Variants in SLC18A1 observed in about 807,000 individuals in gnomAD.
SLC18A1 encodes solute carrier family 18 member A1, also known as chromaffin granule amine transporter.
SLC18A1 carries 69 observed loss-of-function variants against 53.7 expected under a neutral mutation model. That is an observed-to-expected ratio of 1.28 (90% CI 1.06 to 1.57). SLC18A1 has a LOEUF of 1.57. Ranked by LOEUF, SLC18A1 falls within the 40% of genes most tolerant of loss-of-function variation. The pLI is 0.00. For missense variants in SLC18A1, 932 were observed against 668.1 expected (o/e 1.40, Z -4.35); for synonymous variants, 320 against 248.1 (o/e 1.29, Z -2.72).
intron 9 of SLC18A1, 28 bp downstream of exon 9, chr8:20,165,019 G>A (rs770306043): frequency 1.4e-5 from 23 of 1,613,634 alleles, no homozygotes; most frequent in African/African-American, 2.7e-5. Context: ...GACACTCCCC[G>A]CCCAATGGGA....
At position 20,147,206 on chromosome 8, in the gene SLC18A1, T is replaced by C. The variant is rs1431655629; in HGVS notation, c.1464+52A>G. On this transcript the variant is annotated intron_variant, in intron 15 of 15. Coordinates refer to ENST00000276373, the MANE Select transcript of SLC18A1 (RefSeq NM_003053.4). ...CCAGGATGAAAGGGAATGAGAGAGATGATGGAAAGAAACAGAAGTGAATTT... is the reference window on the plus strand; with the variant it reads ...CCAGGATGAAAGGGAATGAGAGAGACGATGGAAAGAAACAGAAGTGAATTT... 3.9e-6 allele frequency: 6 copies of C among 1,552,066 alleles called. No individual in the cohort carries two copies. The African/African-American group carries it at 8.2e-5, about 21-fold the overall frequency.
At chr8:20,160,841 A>G (rs761356292) in intron 10 of SLC18A1, among the ~76,000 whole-genome samples, 2 of 152,160 alleles carry the variant, frequency 1.3e-5, no homozygotes, top group Non-Finnish European at 2.9e-5. Flanking sequence ...TTGTTGGGTC[A>G]TAATACAGCC....
chr8:20,173,231 T>A, intron 5 of SLC18A1, 103 bp from the exon 6 acceptor site: 1 of 829,064 alleles, frequency 1.2e-6, no homozygotes, highest in Non-Finnish European at 1.9e-6. Context: ...CAATCTTAGC[T>A]AGAGTTTCAG....
chr8:20,177,267 C>G (rs916748696), intron 4 of SLC18A1, among the ~76,000 whole-genome samples: 2 of 152,208 alleles, frequency 1.3e-5, no homozygotes, highest in South Asian at 2.1e-4. Context: ...CAGTTTGCAG[C>G]CTTCCAGCCC....
At chr8:20,178,650 G>C (rs958754159) in intron 3 of SLC18A1, among the ~76,000 whole-genome samples, 157 bp from the exon 4 acceptor site, 2 of 152,208 alleles carry the variant, frequency 1.3e-5, no homozygotes, top group Non-Finnish European at 2.9e-5. Flanking sequence ...AGGGCATGTG[G>C]ATGAGTATGA....
At chr8:20,167,048 A>G (rs886859605) in intron 8 of SLC18A1, among the ~76,000 whole-genome samples, 2 of 151,954 alleles carry the variant, frequency 1.3e-5, no homozygotes, top group African/African-American at 4.8e-5. Flanking sequence ...TGTTTAAGCT[A>G]CCCAATCTGT....
chr8:20,146,190 C>A (rs111500426), intron 15 of SLC18A1, among the ~76,000 whole-genome samples: 3 of 152,292 alleles, frequency 2.0e-5, no homozygotes, highest in African/African-American at 7.2e-5. Context: ...GCTGGGATTA[C>A]AGGCGTGAGC....
At chr8:20,173,637 T>G (rs1356233536) in intron 5 of SLC18A1, among the ~76,000 whole-genome samples, 4 of 152,188 alleles carry the variant, frequency 2.6e-5, no homozygotes, top group African/African-American at 7.2e-5. Flanking sequence ...TTCATAAGAT[T>G]GCATTAGATA....
chr8:20,154,210 C>A (rs1350421572), intron 10 of SLC18A1, among the ~76,000 whole-genome samples: 1 of 152,090 alleles, frequency 6.6e-6, no homozygotes, highest in African/African-American at 2.4e-5. Flanking sequence ...AACTAATACA[C>A]AAAGTGAGGG....
At chr8:20,159,669 AAAAAG>A (rs1253324796) in intron 10 of SLC18A1, among the ~76,000 whole-genome samples, 3 of 150,396 alleles carry the variant, frequency 2.0e-5, no homozygotes, top group Admixed American at 6.6e-5. Context: ...AAAAAGAAAG[AAAAAG>A]AAAAGAAAAG....
In SLC18A1 at chr8:20,171,504, C is replaced by T. The variant is rs1258496145; in HGVS notation, c.725-10G>A. The T allele has an allele frequency of 1.9e-6, 3 of 1,605,056 alleles. No individual in the cohort carries two copies. The highest frequency in any genetic ancestry group is 2.2e-5 in the East Asian group (1 of 44,836). ...CCAAAGGGAGCTCCCACTGGAGAGG[C>T]ATAGGAGACACAGATTCCAGAGGTG... On this transcript the variant is annotated splice_polypyrimidine_tract_variant and intron_variant, in intron 6 of 15. Coordinates refer to ENST00000276373, the MANE Select transcript of SLC18A1 (RefSeq NM_003053.4).
intron 8 of SLC18A1, among the ~76,000 whole-genome samples, chr8:20,169,630 G>A (rs771947430): frequency 2.7e-4 from 41 of 152,266 alleles, no homozygotes; most frequent in Non-Finnish European, 5.0e-4. Flanking sequence ...TACAATCCCA[G>A]CACTTTGGGA....
chr8:20,146,482 G>A lies in SLC18A1; in HGVS notation c.1465-606C>T, dbSNP rs189073676. Among the ~76,000 whole-genome samples, 3 of 152,258 alleles carry A rather than the reference G, an allele frequency of 2.0e-5. 1 individual carries two copies. Among genetic ancestry groups the A allele is most frequent in the Admixed American group, 2.0e-4 (3 of 15,284 alleles). On this transcript the variant is annotated intron_variant, in intron 15 of 15. Coordinates refer to ENST00000276373, the MANE Select transcript of SLC18A1 (RefSeq NM_003053.4). ...CTATCACACCTTCATGTCTTCTTTT[G>A]TTCCCTTGAGCAGCCTCTGTCGGTA...
rs79315776 is a variant in SLC18A1 at position 20,161,519 on chromosome 8, A to T, written c.1015+3350T>A. On this transcript the variant is annotated intron_variant, in intron 10 of 15. Transcript: ENST00000276373. ...GTAGATTATATGCAAATACGATGCC[A>T]TTCTATGTAAGGGACTTGAACATCC... Among the ~76,000 whole-genome samples the T allele has an allele frequency of 3.1e-3, 465 of 152,014 alleles. 5 individuals are homozygous for T. The highest frequency in any genetic ancestry group is 0.011 in the African/African-American group (454 of 41,444).
intron 4 of SLC18A1, among the ~76,000 whole-genome samples, chr8:20,177,219 C>T (rs151307842): frequency 3.9e-5 from 6 of 152,322 alleles, no homozygotes; most frequent in African/African-American, 1.4e-4. Context: ...ACAAACAAGA[C>T]GTAGTTCTCA....
At chr8:20,174,561 A>G in intron 4 of SLC18A1, 117 bp from the exon 5 acceptor site, 1 of 684,560 alleles carries the variant, frequency 1.5e-6, no homozygotes, top group Non-Finnish European at 2.7e-6. Flanking sequence ...TGTTTTTAAT[A>G]AAGCATGATG....
intron 13 of SLC18A1, 24 bp downstream of exon 13, chr8:20,147,983 G>A: frequency 1.2e-6 from 2 of 1,612,584 alleles, no homozygotes; most frequent in Non-Finnish European, 1.7e-6. Context: ...GGGGCTTATT[G>A]TTTTCTTTGA....
chr8:20,148,145 A>C (rs1942716796), intron 12 of SLC18A1, 75 bp from the exon 13 acceptor site: 1 of 1,294,844 alleles, frequency 7.7e-7, no homozygotes, highest in Non-Finnish European at 1.1e-6. Flanking sequence ...GAGTTTTCAC[A>C]TGAAATGCAT....
intron 10 of SLC18A1, among the ~76,000 whole-genome samples, chr8:20,156,281 A>G (rs28628307): frequency 0.063 from 9,570 of 151,272 alleles, 790 homozygotes; most frequent in East Asian, 0.28. Flanking sequence ...AAAGTAGCTT[A>G]CTAACTCAAA....
Sources: allele counts gnomAD v4.1 joint callset (sites outside exome capture counted in the v4.1 genomes callset), GRCh38; gene constraint gnomAD v4.1.1; transcripts MANE v1.5; gene names NCBI Gene and HGNC (gene_info 2026-07-23, HGNC 2026-07-21).